LCLAT1: variants seen among roughly 807,000 people sequenced by gnomAD.
The protein encoded by LCLAT1 is lysocardiolipin acyltransferase 1, also known as 1-AGP acyltransferase 8.
Under a neutral mutation model 30.7 loss-of-function variants are expected in LCLAT1, and 11 were observed. That is an observed-to-expected ratio of 0.36 (90% CI 0.23 to 0.59). The LOEUF is 0.59. Among genes scored for constraint, LCLAT1 ranks in the 20% least tolerant of loss-of-function variants. The pLI is 0.77. For missense variants in LCLAT1, 402 were observed against 458.6 expected, an observed-to-expected ratio of 0.88 and a Z score of 1.13; for synonymous variants, 155 against 151.3, an observed-to-expected ratio of 1.02 and a Z score of -0.18.
intron 5 of LCLAT1, among the ~76,000 whole-genome samples, chr2:30,613,222 TTC>T (rs1052843405): frequency 6.6e-6 from 1 of 152,022 alleles, no homozygotes; most frequent in Non-Finnish European, 1.5e-5. Flanking sequence ...GAGTTTGGTG[TTC>T]TCTCTGAGAT....
chr2:30,600,189 G>A (rs1033539234), intron 5 of LCLAT1, among the ~76,000 whole-genome samples: 5 of 151,286 alleles, frequency 3.3e-5, no homozygotes, highest in Non-Finnish European at 7.4e-5. Context: ...GTTTGGTCTA[G>A]AAGAAAAGAA....
chr2:30,508,872 A>G (rs762867793), intron 1 of LCLAT1, among the ~76,000 whole-genome samples: 8 of 152,132 alleles, frequency 5.3e-5, no homozygotes, highest in Non-Finnish European at 1.0e-4. Flanking sequence ...TGGCCATTTT[A>G]ATGATATTGA....
At chr2:30,474,176 A>G (rs914178910) in intron 1 of LCLAT1, among the ~76,000 whole-genome samples, 2 of 152,228 alleles carry the variant, frequency 1.3e-5, no homozygotes, top group African/African-American at 4.8e-5. Flanking sequence ...AATGGACCCA[A>G]GTGGAGACAA....
intron 5 of LCLAT1, among the ~76,000 whole-genome samples, chr2:30,635,153 A>G (rs1277831909): frequency 6.6e-6 from 1 of 152,032 alleles, no homozygotes; most frequent in East Asian, 1.9e-4. Flanking sequence ...TAATCCAAGG[A>G]CTTTGGGAGA....
intron 1 of LCLAT1, among the ~76,000 whole-genome samples, chr2:30,484,201 A>G (rs189390824): frequency 3.9e-5 from 6 of 152,292 alleles, no homozygotes; most frequent in Admixed American, 1.3e-4. Flanking sequence ...AATTGCTTCA[A>G]AAACTCAAAT....
At position 30,641,829 on chromosome 2, in the gene LCLAT1, A is replaced by G. The variant is rs1428489275; in HGVS notation, c.*1210A>G. ...TGGAAAATCCAGCACACCAAGCACC[A>G]GTCTTCTTCTGAGGCAAAAGAAAAG... On this transcript the variant is annotated 3_prime_UTR_variant, in exon 6 of 6. Transcript: ENST00000379509. The G allele has an allele frequency of 6.6e-6, 1 of 151,858 alleles. No homozygotes were observed. Among genetic ancestry groups the G allele is most frequent in the Admixed American group, 6.6e-5 (1 of 15,238 alleles). 9.4% of individuals were successfully genotyped at this position (151,858 alleles called of 1,614,324 possible).
At chr2:30,522,272 TC>T (rs750688110) in intron 1 of LCLAT1, among the ~76,000 whole-genome samples, 16 of 152,376 alleles carry the variant, frequency 1.1e-4, no homozygotes, top group Non-Finnish European at 2.1e-4. Context: ...ACCAAACTTT[TC>T]CAAAGTGGCC....
At chr2:30,551,904 A>T (rs1317991352) in intron 3 of LCLAT1, among the ~76,000 whole-genome samples, 1 of 152,218 alleles carries the variant, frequency 6.6e-6, no homozygotes, top group African/African-American at 2.4e-5. Context: ...AATGACACTT[A>T]TGATTACATT....
chr2:30,575,474 C>G (rs1665956962), intron 5 of LCLAT1, among the ~76,000 whole-genome samples: 1 of 152,128 alleles, frequency 6.6e-6, no homozygotes, highest in Admixed American at 6.6e-5. Flanking sequence ...CTTCCCACCC[C>G]CTTCAGTCTA....
At chr2:30,456,868 TACATTTACTTGATCTTGCTGGAAGCGAAA>T (rs1681864743) in intron 1 of LCLAT1, among the ~76,000 whole-genome samples, 1 of 152,198 alleles carries the variant, frequency 6.6e-6, no homozygotes, top group Admixed American at 6.5e-5. Context: ...TAGGAAAAAC[TACATTTACTTGATCTTGCTGGAAGCGAAA>T]GTTGGACAGG....
intron 1 of LCLAT1, among the ~76,000 whole-genome samples, chr2:30,477,237 A>T (rs1457888284): frequency 6.6e-6 from 1 of 152,140 alleles, no homozygotes. Context: ...TTTATCACCT[A>T]GACTAAATAG....
chr2:30,495,798 C>T (rs990735153), intron 1 of LCLAT1, among the ~76,000 whole-genome samples: 1 of 152,062 alleles, frequency 6.6e-6, no homozygotes, highest in African/African-American at 2.4e-5. Flanking sequence ...ACTTCTTTGC[C>T]TCATGGTTTT....
intron 5 of LCLAT1, among the ~76,000 whole-genome samples, chr2:30,582,222 A>G (rs1204737633): frequency 3.9e-5 from 3 of 76,280 alleles, no homozygotes; most frequent in East Asian, 6.8e-4. Context: ...CCCCCCTCCC[A>G]TGGCAATGGT....
chr2:30,635,475 G>GT, intron 5 of LCLAT1, among the ~76,000 whole-genome samples: 1 of 151,748 alleles, frequency 6.6e-6, no homozygotes, highest in East Asian at 1.9e-4. Context: ...GTCTTTTTTA[G>GT]TTTCTAACAT....
chr2:30,600,155 T>G (rs974917750), intron 5 of LCLAT1, among the ~76,000 whole-genome samples: 2 of 152,102 alleles, frequency 1.3e-5, no homozygotes, highest in Admixed American at 6.6e-5. Context: ...AGGATTTTAT[T>G]TCTCCTTTGC....
At chr2:30,544,377 A>T (rs1307407829) in intron 3 of LCLAT1, among the ~76,000 whole-genome samples, 1 of 152,226 alleles carries the variant, frequency 6.6e-6, no homozygotes, top group Non-Finnish European at 1.5e-5. Context: ...TTCTTGAAGC[A>T]TAGGATTTTA....
intron 1 of LCLAT1, among the ~76,000 whole-genome samples, chr2:30,464,443 C>T (rs1265554670): frequency 6.6e-6 from 1 of 152,054 alleles, no homozygotes; most frequent in East Asian, 1.9e-4. Context: ...AGTAGTTTGT[C>T]TCAAATTTAT....
At position 30,641,615 on chromosome 2, in the gene LCLAT1, C is replaced by T. The variant is rs1325347143; in HGVS notation, c.*996C>T. The stretch of plus-strand genomic sequence containing the variant: ...GCAGACAGGGCAGTAATGGTTTATC[C>T]TAAATTACTCAACCCCTTGTAGCCT... On this transcript the variant is annotated 3_prime_UTR_variant, in exon 6 of 6. Coordinates refer to ENST00000379509, the MANE Select transcript of LCLAT1 (RefSeq NM_001002257.3). The T allele has an allele frequency of 6.6e-6, 1 of 152,200 alleles. No homozygotes were observed. Among genetic ancestry groups the T allele is most frequent in the Non-Finnish European group, 1.5e-5 (1 of 68,034 alleles). 9.4% of individuals were successfully genotyped at this position (152,200 alleles called of 1,614,324 possible).
intron 5 of LCLAT1, among the ~76,000 whole-genome samples, chr2:30,571,041 T>G (rs750911355): frequency 2.6e-5 from 4 of 152,206 alleles, no homozygotes; most frequent in Non-Finnish European, 5.9e-5. Context: ...TCATGTATTA[T>G]TAAGACTTGA....
Sources: gnomAD v4.1 joint callset for allele counts (sites outside exome capture counted in the v4.1 genomes callset) on GRCh38, gnomAD v4.1.1 for gene constraint, MANE v1.5 for transcripts, NCBI Gene and HGNC (gene_info 2026-07-23, HGNC 2026-07-21) for gene names.